Variants in ZNF782 observed in about 807,000 individuals in gnomAD.
ZNF782 encodes zinc finger protein 782.
A neutral mutation model predicts 13.0 loss-of-function variants in ZNF782; 12 were observed. The ratio of observed to expected loss-of-function variants is 0.92; its 90% CI spans 0.59 to 1.50. ZNF782 has a LOEUF of 1.50. Ranked by LOEUF, ZNF782 falls within the 40% of genes most tolerant of loss-of-function variation. The pLI is 0.00. For synonymous variants in ZNF782, 284 were observed against 283.0 expected (o/e 1.00, Z -0.04); for missense variants, 770 against 822.9 (o/e 0.94, Z 0.79).
chr9:96,893,987 G>A, the ZNF782 span: 3 of 120,392 alleles, frequency 2.5e-5, no homozygotes, highest in South Asian at 2.5e-4. Context: ...GTGACAGAGC[G>A]AGACTCCGTC....
chr9:96,883,074 AGTT>A, the ZNF782 span, among the ~76,000 whole-genome samples: 5 of 152,234 alleles, frequency 3.3e-5, no homozygotes, highest in Non-Finnish European at 7.3e-5. Context: ...GTTGCAGTAA[AGTT>A]GTTTAGTTTC....
At chr9:96,915,276 T>C in the ZNF782 span, among the ~76,000 whole-genome samples, 36 of 152,134 alleles carry the variant, frequency 2.4e-4, no homozygotes, top group African/African-American at 8.2e-4. Context: ...TAGCAAATCG[T>C]GCCTGCTCTT....
At chr9:96,843,630 T>C (rs1851255001) in intron 4 of ZNF782, among the ~76,000 whole-genome samples, 8 of 152,182 alleles carry the variant, frequency 5.3e-5, no homozygotes, top group Admixed American at 5.2e-4. Flanking sequence ...CCACATGTGA[T>C]AAAATGGCAC....
At chr9:96,866,723 G>A (rs1455250897) in intron 1 of ZNF782, among the ~76,000 whole-genome samples, 4 of 152,198 alleles carry the variant, frequency 2.6e-5, no homozygotes, top group Non-Finnish European at 5.9e-5. Flanking sequence ...GCAGCTAGGA[G>A]GGGGGGTTAT....
chr9:96,910,777 C>T, the ZNF782 span, among the ~76,000 whole-genome samples: 8 of 148,778 alleles, frequency 5.4e-5, no homozygotes, highest in African/African-American at 2.0e-4. Flanking sequence ...GCTGGGACTA[C>T]AGGCGCCCGC....
upstream of ZNF782, among the ~76,000 whole-genome samples, chr9:96,858,913 A>G (rs1421463893): frequency 2.0e-5 from 3 of 152,142 alleles, no homozygotes; most frequent in East Asian, 5.8e-4. This position sits in a 1 kb window ranked among gnomAD's most constrained non-coding sequence, Gnocchi z 4.4. Context: ...CACTGAACTC[A>G]GTGCTGCCTT....
rs184600490 is a variant in ZNF782 at position 96,820,759 on chromosome 9, A to G, written c.245-981T>C. Among the ~76,000 whole-genome samples, 1,061 of 152,242 alleles carry G rather than the reference A, an allele frequency of 7.0e-3. 7 individuals are homozygous for G. Among genetic ancestry groups the G allele is most frequent in the Middle Eastern group, 0.051 (15 of 294 alleles). On this transcript the variant is annotated intron_variant, in intron 5 of 5. Coordinates refer to ENST00000481138, the MANE Select transcript of ZNF782 (RefSeq NM_001001662.3). ...GATACAGGGTTTTGCCATGTTGGCC[A>G]GGCTGGTCTCGAACTCCTGATCTCA...
chr9:96,826,100 G>A (rs1850609008), intron 5 of ZNF782, among the ~76,000 whole-genome samples: 2 of 152,226 alleles, frequency 1.3e-5, no homozygotes, highest in South Asian at 2.1e-4. Flanking sequence ...ACATGCACAT[G>A]TATGTTTATT....
chr9:96,902,498 G>C, the ZNF782 span, among the ~76,000 whole-genome samples: 1 of 129,340 alleles, frequency 7.7e-6, no homozygotes, highest in African/African-American at 3.4e-5. Context: ...TAGACAATGA[G>C]TAGAGCTTTG....
chr9:96,915,282 C>T, the ZNF782 span, among the ~76,000 whole-genome samples: 2 of 152,192 alleles, frequency 1.3e-5, no homozygotes, highest in South Asian at 2.1e-4. Context: ...ATCGTGCCTG[C>T]TCTTTGTTGA....
chr9:96,887,324 AG>A, the ZNF782 span: 55 of 150,756 alleles, frequency 3.6e-4, 1 homozygote, highest in African/African-American at 9.2e-4. Context: ...GAAGGAAGGA[AG>A]GAAGGAAGGA....
At chr9:96,906,289 G>A in the ZNF782 span, among the ~76,000 whole-genome samples, 2 of 149,386 alleles carry the variant, frequency 1.3e-5, no homozygotes, top group Non-Finnish European at 2.9e-5. Flanking sequence ...CACCAAGTAA[G>A]TAACCACCTC....
the ZNF782 span, chr9:96,932,324 T>C: frequency 6.2e-7 from 1 of 1,612,424 alleles, no homozygotes; most frequent in Non-Finnish European, 8.5e-7. Context: ...CAAGAGTGTC[T>C]ATGAGAACTT....
At chr9:96,844,822 GGA>G in intron 4 of ZNF782, 66 bp downstream of exon 4, 5 of 1,608,550 alleles carry the variant, frequency 3.1e-6, no homozygotes, top group Non-Finnish European at 4.3e-6. Flanking sequence ...GGTACGGTAT[GGA>G]GAGAGAGAAA....
intron 1 of ZNF782, among the ~76,000 whole-genome samples, chr9:96,871,640 A>C (rs1166529170): frequency 6.6e-6 from 1 of 152,196 alleles, no homozygotes; most frequent in African/African-American, 2.4e-5. Flanking sequence ...TGGAGGCTGC[A>C]GTGCGCTGTG....
At position 96,874,202 on chromosome 9, in the gene ZNF782, G is replaced by A. The variant is rs576109080; in HGVS notation, c.-457+1266C>T. 5.9e-5 allele frequency among the ~76,000 whole-genome samples: 9 copies of A among 152,314 alleles called. No homozygotes were observed. The South Asian group carries it at 6.2e-4, about 11-fold the overall frequency. ...GACTAAATGGCACTGTGTTTGACTC[G>A]TGGATCTGACACAAACTAAGTGGGT... On this transcript the variant is annotated intron_variant, in intron 1 of 5. Transcript: ENST00000498811.
In ZNF782 at chr9:96,817,538, T is replaced by A. The variant is rs1235573270; in HGVS notation, c.*385A>T. On this transcript the variant is annotated 3_prime_UTR_variant, in exon 6 of 6. Coordinates refer to ENST00000481138, the MANE Select transcript of ZNF782 (RefSeq NM_001001662.3). ...CTTATTATATTCTAGCTTTTGTCAT[T>A]GTGTGATTTCTCTGATGGTGAATGA... The A allele has an allele frequency of 5.9e-6, 1 of 169,140 alleles. No individual in the cohort carries two copies. The highest frequency in any genetic ancestry group is 2.4e-5 in the African/African-American group (1 of 42,008). 10.5% of individuals were successfully genotyped at this position (169,140 alleles called of 1,614,324 possible). A position where few individuals can be genotyped will look rare whatever the true frequency, so the allele number is the denominator to read the frequency against.
At chr9:96,917,871 A>G in the ZNF782 span, among the ~76,000 whole-genome samples, 1 of 139,094 alleles carries the variant, frequency 7.2e-6, no homozygotes, top group Admixed American at 7.0e-5. Flanking sequence ...TTACAGATTC[A>G]TACCACCACC....
the ZNF782 span, among the ~76,000 whole-genome samples, chr9:96,930,043 C>T: frequency 6.6e-6 from 1 of 152,260 alleles, no homozygotes; most frequent in African/African-American, 2.4e-5. Context: ...CCTTATTCCC[C>T]TTGGCTAGAG....
Sources: gnomAD v4.1 joint callset for allele counts (sites outside exome capture counted in the v4.1 genomes callset) on GRCh38, gnomAD v4.1.1 for gene constraint, Gnocchi (gnomAD v3.1) non-coding constraint, MANE v1.5 for transcripts, NCBI Gene and HGNC (gene_info 2026-07-23, HGNC 2026-07-21) for gene names.